ECM2: variants seen among roughly 807,000 people sequenced by gnomAD.
ECM2 encodes the protein extracellular matrix protein 2, also known as extracellular matrix protein 2, female organ and adipocyte specific.
ECM2 carries 57 observed loss-of-function variants against 67.5 expected under a neutral mutation model. The ratio of observed to expected loss-of-function variants is 0.84; its 90% CI spans 0.68 to 1.05. The LOEUF (loss-of-function observed/expected upper bound fraction) is 1.05. Ranked by LOEUF, ECM2 falls within the 50% of genes least tolerant of loss-of-function variation. The pLI, the probability that ECM2 is intolerant of heterozygous loss-of-function variation, is 0.00. For synonymous variants in ECM2, 258 were observed against 294.5 expected (o/e 0.88, Z 1.27); for missense variants, 741 against 822.8 (o/e 0.90, Z 1.22).
At chr9:92,540,072 T>C (rs1849281698), upstream of ECM2, among the ~76,000 whole-genome samples, 1 of 152,198 alleles carries the variant, frequency 6.6e-6, no homozygotes. Context: ...ATTTTTAAAG[T>C]GCACAGTTAA....
chr9:92,517,937 A>C (rs962666211), intron 2 of ECM2, 62 bp from the exon 3 acceptor site: 4 of 1,586,510 alleles, frequency 2.5e-6, no homozygotes, highest in Non-Finnish European at 3.4e-6. Context: ...CTGTGAATGG[A>C]AGTAAACACA....
the ECM2 span, among the ~76,000 whole-genome samples, chr9:92,543,726 C>T: frequency 3.3e-5 from 5 of 152,064 alleles, no homozygotes; most frequent in Non-Finnish European, 5.9e-5. Context: ...TTTCTTTCAT[C>T]AGCGATTTAT....
intron 5 of ECM2, among the ~76,000 whole-genome samples, chr9:92,511,282 C>T (rs564655935): frequency 3.9e-5 from 6 of 152,024 alleles, no homozygotes; most frequent in Non-Finnish European, 7.4e-5. Flanking sequence ...CATGCCACCA[C>T]GCTCGGCTAA....
chr9:92,550,758 T>TGA, the ECM2 span, among the ~76,000 whole-genome samples: 2 of 152,162 alleles, frequency 1.3e-5, no homozygotes, highest in African/African-American at 4.8e-5. Flanking sequence ...TTGATTCTCT[T>TGA]ATCTTGAAAT....
At chr9:92,539,708 C>T (rs1042066846), upstream of ECM2, among the ~76,000 whole-genome samples, 1 of 152,092 alleles carries the variant, frequency 6.6e-6, no homozygotes, top group Non-Finnish European at 1.5e-5. Context: ...CCTCTTGGCC[C>T]ATAGTTCAAA....
intron 1 of ECM2, among the ~76,000 whole-genome samples, chr9:92,533,328 A>AATATATATATATAT (rs202147064): frequency 9.7e-4 from 37 of 38,322 alleles, no homozygotes; most frequent in Middle Eastern, 0.016. Context: ...AAAAAAAAAA[A>AATATATATATATAT]ATATATATAT....
chr9:92,506,279 A>C (rs1475362369), intron 6 of ECM2, among the ~76,000 whole-genome samples: 3 of 152,214 alleles, frequency 2.0e-5, no homozygotes, highest in African/African-American at 7.2e-5. Flanking sequence ...ATAGTTACTC[A>C]CTTGTTGGCA....
Position 92,514,952 on chromosome 9 carries a change from T to C in ECM2, c.733A>G (p.Ser245Gly), listed in dbSNP as rs1467490473. The change falls in exon 4 of 10, where the codon AGC (serine) becomes GGC (glycine). Residue 245 changes from serine (S) to glycine (G), a missense_variant. By Grantham distance (56) the Ser-to-Gly change is moderately conservative. Coordinates refer to ENST00000344604, the MANE Select transcript of ECM2 (RefSeq NM_001393.4). ...NQGQLYSEGD[S>G]RGGDRKQRPG... ...CTCTGCTTTCTGTCTCCTCCTCTGCTGTCCCCCTCACTGTAAAGTTGCCCC... is the reference window on the plus strand; with the variant it reads ...CTCTGCTTTCTGTCTCCTCCTCTGCCGTCCCCCTCACTGTAAAGTTGCCCC... 2.5e-6 allele frequency: 4 copies of C among 1,614,154 alleles called. No homozygotes were observed. The highest frequency in any genetic ancestry group is 3.4e-6 in the Non-Finnish European group (4 of 1,180,018).
At chr9:92,550,107 G>C in the ECM2 span, among the ~76,000 whole-genome samples, 1 of 152,168 alleles carries the variant, frequency 6.6e-6, no homozygotes, top group Non-Finnish European at 1.5e-5. Flanking sequence ...TGAACAAATG[G>C]TGTCATTGGG....
At chr9:92,540,009 T>C (rs896137978), upstream of ECM2, among the ~76,000 whole-genome samples, 1 of 152,234 alleles carries the variant, frequency 6.6e-6, no homozygotes, top group African/African-American at 2.4e-5. Context: ...TGCCACTTTA[T>C]TTTTTAAACA....
intron 2 of ECM2, among the ~76,000 whole-genome samples, chr9:92,518,522 A>G (rs995421374): frequency 4.6e-5 from 7 of 152,206 alleles, no homozygotes; most frequent in African/African-American, 1.7e-4. Context: ...GTGCTTCTCA[A>G]TGAGACACTG....
At chr9:92,493,996 C>T (rs902824035), downstream of ECM2, 1 of 1,372,476 alleles carries the variant, frequency 7.3e-7, no homozygotes, top group South Asian at 1.2e-5. Flanking sequence ...CCTCAGGCCC[C>T]AGTGTGCTCG....
At chr9:92,555,352 G>A in the ECM2 span, among the ~76,000 whole-genome samples, 1 of 147,562 alleles carries the variant, frequency 6.8e-6, no homozygotes, top group African/African-American at 2.5e-5. Context: ...TCAACCTCCC[G>A]AGTAGCTGGG....
intron 6 of ECM2, among the ~76,000 whole-genome samples, chr9:92,508,078 G>A (rs1288730453): frequency 6.6e-6 from 1 of 152,178 alleles, no homozygotes; most frequent in Non-Finnish European, 1.5e-5. Flanking sequence ...CAAGAGAGAT[G>A]ACGGGAGAGC....
chr9:92,515,313 G>A, intron 3 of ECM2, 110 bp from the exon 4 acceptor site: 2 of 1,285,276 alleles, frequency 1.6e-6, no homozygotes, highest in East Asian at 2.9e-5. Context: ...AAGTATTTGA[G>A]TGCAATTTAA....
At chr9:92,512,197 T>C (rs1412632596) in intron 4 of ECM2, 71 bp from the exon 5 acceptor site, 1 of 952,412 alleles carries the variant, frequency 1.0e-6, no homozygotes, top group East Asian at 2.5e-5. Context: ...TATGGGCATG[T>C]GTGCATAGAT....
chr9:92,518,025 G>T, intron 2 of ECM2, 150 bp from the exon 3 acceptor site: 1 of 954,856 alleles, frequency 1.0e-6, no homozygotes, highest in Non-Finnish European at 1.5e-6. Context: ...ATGTCGTATA[G>T]ACATAAGAAA....
the ECM2 span, among the ~76,000 whole-genome samples, chr9:92,551,332 G>A: frequency 6.6e-6 from 1 of 152,026 alleles, no homozygotes; most frequent in Admixed American, 6.6e-5. Flanking sequence ...TCCCCAAAAT[G>A]ACGTCTGATG....
rs146350643 is a variant in ECM2, at chr9:92,528,139, G to A, written c.-27-5246C>T. 10 of 152,400 alleles carry A rather than the reference G, an allele frequency of 6.6e-5. No homozygotes were observed. In the East Asian group the frequency reaches 1.4e-3, roughly 21 times the overall value. 9.4% of individuals were successfully genotyped at this position (152,400 alleles called of 1,614,324 possible). A position where few individuals can be genotyped will look rare whatever the true frequency, so the allele number is the denominator to read the frequency against. On this transcript the variant is annotated intron_variant, in intron 1 of 9. Transcript: ENST00000344604. Reference sequence around the variant, plus strand: ...GCCAACATGGAGTAATAGGGACTACGTATACCTTCCCACCTGAAACAACTT... The same window carrying A: ...GCCAACATGGAGTAATAGGGACTACATATACCTTCCCACCTGAAACAACTT...
Sources: gnomAD v4.1 joint callset for allele counts (sites outside exome capture counted in the v4.1 genomes callset) on GRCh38, gnomAD v4.1.1 for gene constraint, MANE v1.5 for transcripts, NCBI Gene and HGNC (gene_info 2026-07-23, HGNC 2026-07-21) for gene names.